NBAS: variants seen among roughly 807,000 people sequenced by gnomAD.
NBAS encodes NBAS subunit of NRZ tethering complex, also known as NAG/BC035112 fusion.
Under a neutral mutation model 302.5 loss-of-function variants are expected in NBAS, and 219 were observed. The ratio of observed to expected loss-of-function variants is 0.72; its 90% CI spans 0.65 to 0.81. The LOEUF (loss-of-function observed/expected upper bound fraction) is 0.81, where lower values mean the gene tolerates loss of function less well. Ranked by LOEUF, NBAS falls within the 30% of genes least tolerant of loss-of-function variation. The pLI, the probability that NBAS is intolerant of heterozygous loss-of-function variation, is 0.00. For missense variants in NBAS, 2,932 were observed against 2,841.6 expected (o/e 1.03, Z -0.72); for synonymous variants, 1,118 against 1,021.6 (o/e 1.09, Z -1.80).
At chr2:15,036,989 AGGCAATG>A in the NBAS span, among the ~76,000 whole-genome samples, 2 of 152,196 alleles carry the variant, frequency 1.3e-5, no homozygotes, top group African/African-American at 4.8e-5. Context: ...GGATATGGGC[AGGCAATG>A]GGTGGAGGTA....
the NBAS span, among the ~76,000 whole-genome samples, chr2:14,957,016 T>G: frequency 6.6e-6 from 1 of 152,162 alleles, no homozygotes; most frequent in African/African-American, 2.4e-5. Flanking sequence ...GGTGGTGTCC[T>G]TATACAAAGT....
the NBAS span, among the ~76,000 whole-genome samples, chr2:14,798,791 T>C: frequency 6.6e-6 from 1 of 152,102 alleles, no homozygotes. Flanking sequence ...TCTTCCTGAA[T>C]GAGATGGTAA....
chr2:14,997,457 T>G, the NBAS span, among the ~76,000 whole-genome samples: 1 of 151,718 alleles, frequency 6.6e-6, no homozygotes, highest in African/African-American at 2.4e-5. Flanking sequence ...GTGCTTGTTT[T>G]TTTTTTTTTT....
At chr2:14,848,694 A>G in the NBAS span, among the ~76,000 whole-genome samples, 196 of 149,336 alleles carry the variant, frequency 1.3e-3, no homozygotes, top group African/African-American at 4.7e-3. Flanking sequence ...AGCTTTGAAG[A>G]GAGCAGTGGT....
At chr2:14,957,454 C>T in the NBAS span, among the ~76,000 whole-genome samples, 1 of 152,126 alleles carries the variant, frequency 6.6e-6, no homozygotes, top group Middle Eastern at 3.2e-3. Flanking sequence ...CAAGTAATAC[C>T]CACTATCTTT....
chr2:15,278,461 T>C (rs1408454215), intron 42 of NBAS, among the ~76,000 whole-genome samples: 1 of 152,198 alleles, frequency 6.6e-6, no homozygotes, highest in Non-Finnish European at 1.5e-5. Context: ...TCTTCCTTCC[T>C]AGACTGTGCT....
At chr2:15,424,867 C>T (rs769097125) in intron 22 of NBAS, among the ~76,000 whole-genome samples, 4 of 152,086 alleles carry the variant, frequency 2.6e-5, no homozygotes, top group Non-Finnish European at 5.9e-5. Context: ...GGAAAATATC[C>T]CCAGTGATTC....
At chr2:15,058,238 C>T in the NBAS span, among the ~76,000 whole-genome samples, 39 of 152,236 alleles carry the variant, frequency 2.6e-4, no homozygotes, top group Admixed American at 2.4e-3. Context: ...GGACAATGGG[C>T]AACATCTGGA....
chr2:15,214,998 C>T (rs6717475), intron 48 of NBAS, among the ~76,000 whole-genome samples: 28,726 of 152,034 alleles, frequency 0.19, 3,414 homozygotes, highest in East Asian at 0.45. Context: ...TTTGAGGTGA[C>T]ATGGTATGGG....
chr2:15,445,444 G>C (rs1304147533), intron 21 of NBAS, among the ~76,000 whole-genome samples: 12 of 144,284 alleles, frequency 8.3e-5, no homozygotes, highest in African/African-American at 3.1e-4. Flanking sequence ...TCATAGGTGG[G>C]AATTGAACAA....
chr2:14,825,322 G>T, the NBAS span, among the ~76,000 whole-genome samples: 2 of 152,124 alleles, frequency 1.3e-5, no homozygotes, highest in Non-Finnish European at 2.9e-5. Context: ...GGCATGAAAA[G>T]GTTCTAAGTG....
At chr2:15,237,771 A>ATTTTTTTTT (rs765648566) in intron 45 of NBAS, among the ~76,000 whole-genome samples, 2 of 66,546 alleles carry the variant, frequency 3.0e-5, no homozygotes, top group Non-Finnish European at 6.1e-5. Flanking sequence ...TAATGTTTGT[A>ATTTTTTTTT]TTTTTTTTTT....
chr2:15,500,159 T>C lies in NBAS; in HGVS notation c.954+3986A>G, dbSNP rs563862337. ...TTGTACTGAAATCAATCACCTGTCATCTAATTTAATAGAATTAAAAATGAG... is the reference window on the plus strand; with the variant it reads ...TTGTACTGAAATCAATCACCTGTCACCTAATTTAATAGAATTAAAAATGAG... On this transcript the variant is annotated intron_variant, in intron 11 of 51. Transcript: ENST00000281513. 1.8e-4 allele frequency among the ~76,000 whole-genome samples: 27 copies of C among 152,342 alleles called. No homozygotes were observed. In the South Asian group the frequency reaches 5.6e-3, roughly 32 times the overall value.
the NBAS span, among the ~76,000 whole-genome samples, chr2:14,988,022 A>C: frequency 1.3e-5 from 2 of 152,132 alleles, no homozygotes; most frequent in Non-Finnish European, 2.9e-5. Flanking sequence ...TCCATATGAT[A>C]AGGTGTCCGT....
chr2:15,160,465 T>C, the NBAS span, among the ~76,000 whole-genome samples: 1 of 152,010 alleles, frequency 6.6e-6, no homozygotes, highest in African/African-American at 2.4e-5. Flanking sequence ...TCTTGGCTCA[T>C]AGAAGAAGGA....
chr2:15,391,247 G>A (rs1675585670), intron 28 of NBAS, among the ~76,000 whole-genome samples: 2 of 151,960 alleles, frequency 1.3e-5, no homozygotes, highest in Non-Finnish European at 2.9e-5. Context: ...AGAAATGTTA[G>A]AAAAAGCAAA....
the NBAS span, among the ~76,000 whole-genome samples, chr2:15,025,506 AT>A: frequency 6.6e-6 from 1 of 152,166 alleles, no homozygotes; most frequent in Non-Finnish European, 1.5e-5. Context: ...GAAGAATGTC[AT>A]TGGTAGTTCG....
the NBAS span, among the ~76,000 whole-genome samples, chr2:15,086,627 C>T: frequency 2.0e-5 from 3 of 152,132 alleles, no homozygotes; most frequent in African/African-American, 7.2e-5. Flanking sequence ...CTCCAAGCTT[C>T]CGGTGCCACC....
intron 34 of NBAS, 120 bp downstream of exon 34, chr2:15,353,433 G>C: frequency 8.0e-7 from 1 of 1,244,250 alleles, no homozygotes; most frequent in Non-Finnish European, 1.2e-6. Context: ...TGACAATCTA[G>C]TTTTCTTCCA....
Sources: gnomAD v4.1 joint callset for allele counts (sites outside exome capture counted in the v4.1 genomes callset) on GRCh38, gnomAD v4.1.1 for gene constraint, MANE v1.5 for transcripts, NCBI Gene and HGNC (gene_info 2026-07-23, HGNC 2026-07-21) for gene names.